NRG3: variants seen among roughly 807,000 people sequenced by gnomAD.
The protein encoded by NRG3 is pro-neuregulin-3, membrane-bound isoform.
Under a neutral mutation model 66.9 loss-of-function variants are expected in NRG3, and 31 were observed. The ratio of observed to expected loss-of-function variants is 0.46; its 90% CI spans 0.35 to 0.63. The LOEUF (loss-of-function observed/expected upper bound fraction) is 0.63. Ranked by LOEUF, NRG3 falls within the 20% of genes least tolerant of loss-of-function variation. The probability of loss-of-function intolerance (pLI) is 0.00; values close to 1 mark genes in which losing one functional copy is unlikely to be tolerated. For missense variants in NRG3, 910 were observed against 878.9 expected (o/e 1.04, Z -0.45); for synonymous variants, 393 against 359.4 (o/e 1.09, Z -1.06).
chr10:82,349,389 T>TCAGG (rs2083258864), intron 1 of NRG3, among the ~76,000 whole-genome samples: 1 of 151,044 alleles, frequency 6.6e-6, no homozygotes, highest in South Asian at 2.1e-4. Flanking sequence ...GGGTCAGGGG[T>TCAGG]CAGGGACCCA....
intron 4 of NRG3, among the ~76,000 whole-genome samples, chr10:82,914,793 C>T (rs1845678791): frequency 1.3e-5 from 2 of 150,762 alleles, no homozygotes; most frequent in South Asian, 4.2e-4. Context: ...ATGAGACAAG[C>T]TAGAGAGGTT....
intron 8 of NRG3, among the ~76,000 whole-genome samples, chr10:82,981,297 C>T (rs534247117): frequency 6.6e-6 from 1 of 152,296 alleles, no homozygotes; most frequent in Admixed American, 6.5e-5. Context: ...CTCCAGTTGC[C>T]TGGCCACAGG....
chr10:82,452,248 T>C (rs990922572), intron 2 of NRG3, among the ~76,000 whole-genome samples: 2 of 152,194 alleles, frequency 1.3e-5, no homozygotes, highest in South Asian at 2.1e-4. Flanking sequence ...CAATTCTGTT[T>C]ACGACTATGA....
At chr10:81,969,953 T>A (rs932956956) in intron 1 of NRG3, among the ~76,000 whole-genome samples, 2 of 152,234 alleles carry the variant, frequency 1.3e-5, no homozygotes, top group African/African-American at 4.8e-5. Context: ...CTATCTTTAC[T>A]GCTAGAAGGA....
At chr10:82,479,922 G>T (rs2132134757) in intron 2 of NRG3, among the ~76,000 whole-genome samples, 1 of 152,162 alleles carries the variant, frequency 6.6e-6, no homozygotes, top group Non-Finnish European at 1.5e-5. Flanking sequence ...GAGCCGAGAT[G>T]GCGCCACTGC....
At chr10:82,348,967 T>C (rs2083220859) in intron 1 of NRG3, among the ~76,000 whole-genome samples, 1 of 150,208 alleles carries the variant, frequency 6.7e-6, no homozygotes, top group South Asian at 2.1e-4. Flanking sequence ...TTATACATTC[T>C]TCTAAATTTT....
intron 2 of NRG3, among the ~76,000 whole-genome samples, chr10:82,577,523 A>G (rs1349753094): frequency 6.6e-6 from 1 of 151,812 alleles, no homozygotes; most frequent in African/African-American, 2.4e-5. Flanking sequence ...TATATCATTG[A>G]TATTTAGGTA....
At chr10:82,737,717 G>A (rs148349809) in intron 2 of NRG3, among the ~76,000 whole-genome samples, 1 of 152,074 alleles carries the variant, frequency 6.6e-6, no homozygotes, top group Non-Finnish European at 1.5e-5. Flanking sequence ...GGGCCTCGCC[G>A]TATTTGTTCC....
At chr10:82,172,521 G>A (rs1019298062) in intron 1 of NRG3, among the ~76,000 whole-genome samples, 46 of 152,012 alleles carry the variant, frequency 3.0e-4, no homozygotes, top group African/African-American at 1.1e-3. Flanking sequence ...AGAAATCTAC[G>A]CTTAAATCTC....
chr10:82,015,223 A>C (rs1221688863), intron 1 of NRG3, among the ~76,000 whole-genome samples: 1 of 152,184 alleles, frequency 6.6e-6, no homozygotes, highest in Non-Finnish European at 1.5e-5. Context: ...AGAAAGTATG[A>C]TAATTGATTA....
At chr10:82,747,428 T>C (rs1447138588) in intron 3 of NRG3, among the ~76,000 whole-genome samples, 1 of 152,154 alleles carries the variant, frequency 6.6e-6, no homozygotes, top group Admixed American at 6.5e-5. Flanking sequence ...TGATAACTTT[T>C]CCTCCAGAAA....
intron 1 of NRG3, among the ~76,000 whole-genome samples, chr10:82,244,728 A>G (rs1392377227): frequency 6.6e-6 from 1 of 151,986 alleles, no homozygotes; most frequent in Non-Finnish European, 1.5e-5. Context: ...AGTGCATTAC[A>G]ATTATTGATT....
chr10:82,201,098 G>A (rs2074788110), intron 1 of NRG3, among the ~76,000 whole-genome samples: 1 of 151,014 alleles, frequency 6.6e-6, no homozygotes, highest in Non-Finnish European at 1.5e-5. Flanking sequence ...TTGGGAGGCT[G>A]AGGCAGGAGA....
At position 82,664,019 on chromosome 10, in the gene NRG3, T is replaced by C. The variant is rs118116974; in HGVS notation, c.954-74558T>C. On this transcript the variant is annotated intron_variant, in intron 2 of 8. Coordinates refer to ENST00000372141, the MANE Select transcript of NRG3 (RefSeq NM_001010848.4). Reference sequence around the variant, plus strand: ...ATGCTGACCCATGGTATGTCTACTCTTTGGGGAGGCTTTTCATGTGGTGGG... The same window carrying C: ...ATGCTGACCCATGGTATGTCTACTCCTTGGGGAGGCTTTTCATGTGGTGGG... Among the ~76,000 whole-genome samples the C allele has an allele frequency of 8.8e-3, 1,334 of 152,268 alleles. 9 individuals are homozygous for C. Among genetic ancestry groups the C allele is most frequent in the Admixed American group, 0.017 (264 of 15,292 alleles).
chr10:82,847,145 G>A (rs748912060), intron 3 of NRG3, among the ~76,000 whole-genome samples: 5 of 152,212 alleles, frequency 3.3e-5, no homozygotes, highest in Non-Finnish European at 5.9e-5. Flanking sequence ...CAGCCTCCAG[G>A]CTGAAGAAAG....
intron 3 of NRG3, among the ~76,000 whole-genome samples, chr10:82,864,351 C>T (rs1006031534): frequency 7.3e-5 from 11 of 151,682 alleles, no homozygotes; most frequent in African/African-American, 2.2e-4. Context: ...TTTTAATGAC[C>T]TATTTACAAA....
At chr10:82,683,058 A>G (rs1157473759) in intron 2 of NRG3, among the ~76,000 whole-genome samples, 2 of 141,776 alleles carry the variant, frequency 1.4e-5, no homozygotes, top group Non-Finnish European at 3.0e-5. Flanking sequence ...TTCCGGGTTC[A>G]CGCCATTCTC....
chr10:82,846,146 A>C (rs1015693868), intron 3 of NRG3, among the ~76,000 whole-genome samples: 3 of 152,144 alleles, frequency 2.0e-5, no homozygotes, highest in African/African-American at 7.2e-5. Context: ...ACTGAAAATC[A>C]TGTTTTTAGC....
At chr10:81,922,409 C>A (rs1260927187) in intron 1 of NRG3, among the ~76,000 whole-genome samples, 1 of 152,190 alleles carries the variant, frequency 6.6e-6, no homozygotes, top group Non-Finnish European at 1.5e-5. Context: ...TACACCCTCA[C>A]ATCCTTCCAC....
Sources: allele counts gnomAD v4.1 joint callset (sites outside exome capture counted in the v4.1 genomes callset), GRCh38; gene constraint gnomAD v4.1.1; transcripts MANE v1.5; gene names NCBI Gene and HGNC (gene_info 2026-07-23, HGNC 2026-07-21).